Variants in PNPT1 observed in about 807,000 individuals in gnomAD.
PNPT1 encodes polyribonucleotide nucleotidyltransferase 1.
Under a neutral mutation model 119.5 loss-of-function variants are expected in PNPT1, and 53 were observed. The ratio of observed to expected loss-of-function variants is 0.44; its 90% confidence interval spans 0.36 to 0.56. PNPT1 has a LOEUF of 0.56. PNPT1 is among the 20% of genes least tolerant of loss of function. The probability of loss-of-function intolerance (pLI) is 0.00; values close to 1 mark genes in which losing one functional copy is unlikely to be tolerated. For missense variants in PNPT1, 948 were observed against 938.5 expected (o/e 1.01, Z -0.13); for synonymous variants, 357 against 322.1 (o/e 1.11, Z -1.16).
chr2:55,643,647 G>A (rs1445576313), intron 23 of PNPT1, among the ~76,000 whole-genome samples: 2 of 151,988 alleles, frequency 1.3e-5, no homozygotes, highest in Non-Finnish European at 2.9e-5. Context: ...ACTCACAGTC[G>A]GGAGGATCAC....
chr2:55,676,133 G>A (rs1814456), intron 8 of PNPT1, among the ~76,000 whole-genome samples: 4 of 151,796 alleles, frequency 2.6e-5, no homozygotes, highest in Admixed American at 1.3e-4. Context: ...GGTGGTGCAC[G>A]CCTGTAGTCC....
At chr2:55,672,121 G>T in intron 9 of PNPT1, 75 bp from the exon 10 acceptor site, 6 of 1,097,914 alleles carry the variant, frequency 5.5e-6, no homozygotes. Context: ...AAACAAAACT[G>T]AAATATTTAA....
chr2:55,643,040 G>A, intron 25 of PNPT1, 118 bp downstream of exon 25: 1 of 1,038,890 alleles, frequency 9.6e-7, no homozygotes, highest in Non-Finnish European at 1.5e-6. Flanking sequence ...CCTGATCCCA[G>A]GAGTTCAAGG....
At chr2:55,641,453 G>C (rs968547332) in intron 25 of PNPT1, among the ~76,000 whole-genome samples, 5 of 151,804 alleles carry the variant, frequency 3.3e-5, no homozygotes, top group Non-Finnish European at 5.9e-5. Context: ...ATTTTTAGTA[G>C]AGATGGGGTT....
At chr2:55,636,623 C>T (rs973148340) in intron 27 of PNPT1, among the ~76,000 whole-genome samples, 6 of 152,284 alleles carry the variant, frequency 3.9e-5, no homozygotes, top group Middle Eastern at 3.4e-3. Context: ...TGCCGCTGAA[C>T]TCATCTGTGC....
chr2:55,693,051 G>T (rs1697671485), intron 1 of PNPT1, among the ~76,000 whole-genome samples: 2 of 151,988 alleles, frequency 1.3e-5, no homozygotes, highest in South Asian at 4.2e-4. Flanking sequence ...CTCTGTGCGT[G>T]TGTGGCTCTC....
intron 11 of PNPT1, among the ~76,000 whole-genome samples, chr2:55,670,399 G>A (rs1406687729): frequency 1.3e-5 from 2 of 151,418 alleles, no homozygotes; most frequent in Non-Finnish European, 2.9e-5. Flanking sequence ...TATTAGCCAG[G>A]ATGGTCTCGA....
chr2:55,658,000 G>A (rs541609116), intron 15 of PNPT1, among the ~76,000 whole-genome samples: 3 of 151,766 alleles, frequency 2.0e-5, no homozygotes, highest in Non-Finnish European at 4.4e-5. Flanking sequence ...CACTTTGGGA[G>A]GCTGAGGCAG....
In PNPT1 at chr2:55,643,312, T is replaced by C. The variant is rs373384597; in HGVS notation, c.2013+7A>G. 1.9e-6 allele frequency: 3 copies of C among 1,612,252 alleles called. No homozygotes were observed. The African/African-American group carries it at 4.0e-5, about 22-fold the overall frequency. On this transcript the variant is annotated splice_region_variant and intron_variant, in intron 24 of 27. Transcript: ENST00000447944. ...TATGATACGTAATTAATATGATCTA[T>C]ACTTACATCATCCTTGCAGATTTCA...
chr2:55,637,623 T>G, intron 26 of PNPT1, 24 bp from the exon 27 acceptor site: 1 of 1,558,642 alleles, frequency 6.4e-7, no homozygotes, highest in Non-Finnish European at 8.8e-7. Context: ...TGTTAATCTA[T>G]TAGTTGTTGT....
At chr2:55,654,823 G>A in intron 18 of PNPT1, 77 bp downstream of exon 18, 1 of 1,222,436 alleles carries the variant, frequency 8.2e-7, no homozygotes, top group Non-Finnish European at 1.1e-6. Context: ...TGAGCCTCCT[G>A]CCTTGGCCTC....
At chr2:55,640,874 T>C (rs567452623) in intron 25 of PNPT1, among the ~76,000 whole-genome samples, 169 bp from the exon 26 acceptor site, 10 of 152,086 alleles carry the variant, frequency 6.6e-5, no homozygotes, top group Admixed American at 2.0e-4. Context: ...ATATACCCTA[T>C]AAATAAATAT....
chr2:55,656,227 T>A lies in PNPT1; in HGVS notation c.1352-7A>T. The A allele has an allele frequency of 6.2e-7, 1 of 1,612,754 alleles. No homozygotes were observed. Among genetic ancestry groups the A allele is most frequent in the East Asian group, 2.2e-5 (1 of 44,752 alleles). On this transcript the variant is annotated splice_polypyrimidine_tract_variant and splice_region_variant and intron_variant, in intron 16 of 27. Coordinates refer to ENST00000447944, the MANE Select transcript of PNPT1 (RefSeq NM_033109.5). ...GCTTTCTCAGCAAGAGCACCTAAAT[T>A]AGAATAGAAAACAATAAGTAAAAAA... is the stretch of plus-strand genomic sequence containing the variant.
rs555534875 is a variant in PNPT1, at chr2:55,638,514, C to T, written c.2149-915G>A. Reference sequence around the variant, plus strand: ...ATCCAAAAAAATTAGCCGGGTGTAGCGGTTTGTGCCTGGGGACCCAGCTTC... The same window carrying T: ...ATCCAAAAAAATTAGCCGGGTGTAGTGGTTTGTGCCTGGGGACCCAGCTTC... On this transcript the variant is annotated intron_variant, in intron 26 of 27. Coordinates refer to ENST00000447944, the MANE Select transcript of PNPT1 (RefSeq NM_033109.5). Among the ~76,000 whole-genome samples the T allele has an allele frequency of 3.1e-4, 47 of 151,848 alleles. No individual in the cohort carries two copies. In the South Asian group the frequency reaches 8.6e-3, roughly 28 times the overall value.
chr2:55,643,425 C>T lies in PNPT1; in HGVS notation c.1907G>A (p.Gly636Asp), dbSNP rs143197548. 2.1e-4 allele frequency: 343 copies of T among 1,612,878 alleles called. No homozygotes were observed. The highest frequency in any genetic ancestry group is 2.5e-4 in the Non-Finnish European group (298 of 1,179,556). ...TTCATCCACCTGACTAATAGTTACA[C>T]CTTTTAAAAACAAAATGTAACATAT... is the stretch of plus-strand genomic sequence containing the variant. ...YNLKKLQAETGVTISQVDEET... is the reference protein window; with the variant it reads ...YNLKKLQAETDVTISQVDEET... Residue 636 changes from glycine to aspartate, a missense_variant and splice_region_variant, in exon 24 of 28, where the codon GGT becomes GAT. Gly to Asp is a moderately conservative substitution (Grantham distance 94). Transcript: ENST00000447944.
chr2:55,678,772 G>A (rs1428647942), intron 8 of PNPT1, among the ~76,000 whole-genome samples: 2 of 152,066 alleles, frequency 1.3e-5, no homozygotes, highest in Non-Finnish European at 2.9e-5. Context: ...TATTTGGTTC[G>A]ACAACACAAC....
chr2:55,652,050 T>G (rs1311473326), intron 18 of PNPT1, among the ~76,000 whole-genome samples: 1 of 152,196 alleles, frequency 6.6e-6, no homozygotes, highest in African/African-American at 2.4e-5. Context: ...ATATGCCCAG[T>G]CAACAATTAC....
At chr2:55,673,807 G>C (rs1441039764) in intron 8 of PNPT1, among the ~76,000 whole-genome samples, 63 of 151,922 alleles carry the variant, frequency 4.1e-4, no homozygotes, top group Non-Finnish European at 1.5e-5. Context: ...TATATTATTT[G>C]CCAAAGTGAC....
intron 1 of PNPT1, among the ~76,000 whole-genome samples, chr2:55,690,734 G>A (rs1454908437): frequency 6.6e-6 from 1 of 152,032 alleles, no homozygotes. Context: ...AGAAATTCTA[G>A]TTGGGTTTCT....
Sources: gnomAD v4.1 joint callset for allele counts (sites outside exome capture counted in the v4.1 genomes callset) on GRCh38, gnomAD v4.1.1 for gene constraint, MANE v1.5 for transcripts, NCBI Gene and HGNC (gene_info 2026-07-23, HGNC 2026-07-21) for gene names.